The following BPHL variants were observed in gnomAD, a reference collection of about 807,000 sequenced individuals.
BPHL encodes biphenyl hydrolase like.
A neutral mutation model predicts 31.2 loss-of-function variants in BPHL; 27 were observed. The ratio of observed to expected loss-of-function variants is 0.87; its 90% CI spans 0.64 to 1.19. The LOEUF (loss-of-function observed/expected upper bound fraction) is 1.19. Among genes scored for constraint, BPHL ranks in the 50% most tolerant of loss-of-function variants. The pLI, the probability that BPHL is intolerant of heterozygous loss-of-function variation, is 0.00. For missense variants in BPHL, 356 were observed against 375.7 expected (o/e 0.95, Z 0.43); for synonymous variants, 150 against 146.8 (o/e 1.02, Z -0.16).
At chr6:3,141,835 A>G (rs1206560988) in intron 6 of BPHL, among the ~76,000 whole-genome samples, 2 of 151,944 alleles carry the variant, frequency 1.3e-5, no homozygotes, top group African/African-American at 2.4e-5. Flanking sequence ...TTAGCCGGGC[A>G]TGGTGGCGGG....
At chr6:3,144,335 G>A (rs145593930) in intron 6 of BPHL, among the ~76,000 whole-genome samples, 1,724 of 151,032 alleles carry the variant, frequency 0.011, 40 homozygotes, top group East Asian at 0.076. Context: ...CCAAAGTGCT[G>A]GGATTACAGG....
intron 6 of BPHL, among the ~76,000 whole-genome samples, chr6:3,145,871 G>A (rs1350744239): frequency 1.5e-5 from 1 of 67,882 alleles, no homozygotes; most frequent in Non-Finnish European, 3.5e-5. Flanking sequence ...CTGGAGTGCT[G>A]GTTTGGGTCG....
At position 3,140,204 on chromosome 6, in the gene BPHL, A is replaced by C. The variant is rs567094764; in HGVS notation, c.665-182A>C. Reference sequence around the variant, plus strand: ...ACAAACAAGAAACAGAGAGAAACAGAAAAGGGAACCCAAAGAATGTTAGAG... The same window carrying C: ...ACAAACAAGAAACAGAGAGAAACAGCAAAGGGAACCCAAAGAATGTTAGAG... On this transcript the variant is annotated intron_variant, in intron 5 of 6. Coordinates refer to ENST00000380379, the MANE Select transcript of BPHL (RefSeq NM_004332.4). The surrounding 1 kb of genome is among the most constrained non-coding windows in gnomAD (Gnocchi z 5.2). The C allele has an allele frequency of 1.4e-6, 1 of 698,246 alleles. No homozygotes were observed. The highest frequency in any genetic ancestry group is 2.2e-5 in the South Asian group (1 of 45,504). 43.3% of individuals were successfully genotyped at this position (698,246 alleles called of 1,614,324 possible).
chr6:3,123,448 G>C (rs982801999), intron 1 of BPHL, among the ~76,000 whole-genome samples: 3 of 152,114 alleles, frequency 2.0e-5, no homozygotes, highest in Non-Finnish European at 2.9e-5. Context: ...CATATCCATC[G>C]TCTCAAACAT....
intron 2 of BPHL, among the ~76,000 whole-genome samples, chr6:3,124,592 T>G (rs568677278): frequency 1.3e-5 from 2 of 152,298 alleles, no homozygotes; most frequent in African/African-American, 4.8e-5. Context: ...ATGTCTAGAT[T>G]ACTTACCATA....
upstream of BPHL, chr6:3,118,548 A>G (rs1232059821): frequency 7.4e-6 from 3 of 406,310 alleles, no homozygotes; most frequent in Non-Finnish European, 1.3e-5. Flanking sequence ...CTGCGAAACC[A>G]CGAGCCGAGT....
In BPHL at chr6:3,152,743, C is replaced by T. The variant is rs973157735; in HGVS notation, c.*168C>T. The T allele has an allele frequency of 1.7e-6, 1 of 586,840 alleles. No homozygotes were observed. Among genetic ancestry groups the T allele is most frequent in the African/African-American group, 1.9e-5 (1 of 52,232 alleles). The allele number at this position is 586,840 out of a possible 1,614,324, so 36.4% of individuals were successfully genotyped here. ...ACATATTGAAAACAGCCTCTAGCTTCAGGCTGGGCACGGTGGCTCACAGCT... is the reference window on the plus strand; with the variant it reads ...ACATATTGAAAACAGCCTCTAGCTTTAGGCTGGGCACGGTGGCTCACAGCT... On this transcript the variant is annotated 3_prime_UTR_variant, in exon 7 of 7. Transcript: ENST00000380379.
chr6:3,123,699 G>C lies in BPHL; in HGVS notation c.150G>C (p.Gln50His). The C allele has an allele frequency of 1.2e-6, 2 of 1,613,824 alleles. No homozygotes were observed. Among genetic ancestry groups the C allele is most frequent in the Non-Finnish European group, 1.7e-6 (2 of 1,179,862 alleles). Residue 50 changes from glutamine (Q) to histidine (H), a missense_variant, in exon 2 of 7, where the codon CAG (glutamine) becomes CAC (histidine). Gln to His is a conservative substitution (Grantham distance 24). Coordinates refer to ENST00000380379, the MANE Select transcript of BPHL (RefSeq NM_004332.4). ...CCAAAGTGGCTGTGAATGGCGTTCA[G>C]CTGCATTACCAGCAGACTGGAGAGG... Reference protein sequence around the residue: ...TSAKVAVNGVQLHYQQTGEGD... With the variant: ...TSAKVAVNGVHLHYQQTGEGD...
At chr6:3,119,272 T>C in intron 1 of BPHL, 1 of 1,537,398 alleles carries the variant, frequency 6.5e-7, no homozygotes, top group Non-Finnish European at 8.7e-7. Flanking sequence ...ATCTCTTCTT[T>C]CTCTTATGTC....
At chr6:3,129,632 C>G (rs894184572) in intron 4 of BPHL, among the ~76,000 whole-genome samples, 7 of 152,040 alleles carry the variant, frequency 4.6e-5, no homozygotes, top group Non-Finnish European at 8.8e-5. Flanking sequence ...CATGATTGTG[C>G]CACTGCACTT....
chr6:3,133,408 CA>C (rs1192352049), intron 4 of BPHL, among the ~76,000 whole-genome samples: 1 of 152,188 alleles, frequency 6.6e-6, no homozygotes, highest in East Asian at 1.9e-4. Context: ...AGCAATTCAG[CA>C]ATATGTGAAT....
In BPHL at chr6:3,140,810, A is replaced by G. The variant is rs907146697; in HGVS notation, c.788+301A>G. Among the ~76,000 whole-genome samples the G allele has an allele frequency of 1.1e-4, 16 of 152,246 alleles. No individual in the cohort carries two copies. Among genetic ancestry groups the G allele is most frequent in the African/African-American group, 3.9e-4 (16 of 41,466 alleles). On this transcript the variant is annotated intron_variant, in intron 6 of 6. Transcript: ENST00000380379. This position sits in a 1 kb window ranked among gnomAD's most constrained non-coding sequence, Gnocchi z 5.2. ...TTGGTAATAGTTTAGATTTATTTCC[A>G]TCAGTATTAACCGAAACAGTTTCAC...
intron 6 of BPHL, among the ~76,000 whole-genome samples, chr6:3,145,341 T>G (rs1414114552): frequency 1.7e-5 from 1 of 59,582 alleles, no homozygotes; most frequent in African/African-American, 6.0e-5. Context: ...GAGTGCTGGT[T>G]CGGGGTGGAG....
intron 6 of BPHL, among the ~76,000 whole-genome samples, chr6:3,145,210 G>A (rs1347887304): frequency 1.3e-5 from 1 of 74,716 alleles, no homozygotes; most frequent in African/African-American, 5.2e-5. Context: ...GGGGTGGAGT[G>A]CTGGTTCGGG....
At chr6:3,133,210 A>G (rs1455712387) in intron 4 of BPHL, among the ~76,000 whole-genome samples, 1 of 151,190 alleles carries the variant, frequency 6.6e-6, no homozygotes, top group Non-Finnish European at 1.5e-5. Context: ...CATCCCCCAC[A>G]CTGCGGCCTG....
At chr6:3,120,355 G>A (rs1036287207) in intron 1 of BPHL, among the ~76,000 whole-genome samples, 2 of 151,938 alleles carry the variant, frequency 1.3e-5, no homozygotes, top group African/African-American at 4.8e-5. Context: ...GTTCTGATAG[G>A]TTATTTAATG....
At position 3,149,522 on chromosome 6, in the gene BPHL, C is replaced by T. The variant is rs573308452; in HGVS notation, c.789-2966C>T. Among the ~76,000 whole-genome samples, 135 of 152,314 alleles carry T rather than the reference C, an allele frequency of 8.9e-4. 1 individual carries two copies. Among genetic ancestry groups the T allele is most frequent in the Admixed American group, 1.8e-3 (28 of 15,304 alleles). ...GCTGCTCAGTGAGCTGTCGCCCCCACCATCCCCAAATGCCTGGTCAGCCCT... is the reference window on the plus strand; with the variant it reads ...GCTGCTCAGTGAGCTGTCGCCCCCATCATCCCCAAATGCCTGGTCAGCCCT... On this transcript the variant is annotated intron_variant, in intron 6 of 6. Transcript: ENST00000380379. This position sits in a 1 kb window ranked among gnomAD's most constrained non-coding sequence, Gnocchi z 4.6.
intron 1 of BPHL, 38 bp downstream of exon 1, chr6:3,118,885 C>G: frequency 8.1e-7 from 1 of 1,228,704 alleles, no homozygotes; most frequent in Non-Finnish European, 1.0e-6. Flanking sequence ...TCCCCAGCAT[C>G]GGCGCGCTCG....
intron 1 of BPHL, chr6:3,119,422 C>G (rs1381421639): frequency 6.2e-7 from 1 of 1,610,632 alleles, no homozygotes; most frequent in Non-Finnish European, 8.5e-7. Context: ...AATCCTGGGC[C>G]TCACTCCCAG....
Sources: allele counts gnomAD v4.1 joint callset (sites outside exome capture counted in the v4.1 genomes callset), GRCh38; gene constraint gnomAD v4.1.1; non-coding constraint Gnocchi (gnomAD v3.1); transcripts MANE v1.5; gene names NCBI Gene and HGNC (gene_info 2026-07-23, HGNC 2026-07-21).